Variants in BRINP1 observed in about 807,000 individuals in gnomAD.
BRINP1 encodes BMP/retinoic acid-inducible neural-specific protein 1.
In BRINP1, 17 loss-of-function variants were observed where a neutral mutation model predicts 72.9. The observed-to-expected ratio is 0.23, with a 90% CI of 0.16 to 0.35. The LOEUF (loss-of-function observed/expected upper bound fraction) is 0.35. Among genes scored for constraint, BRINP1 ranks in the 10% least tolerant of loss-of-function variants. BRINP1 has a pLI of 1.00. For synonymous variants in BRINP1, 418 were observed against 378.5 expected (o/e 1.10, Z -1.21); for missense variants, 850 against 1,001.6 (o/e 0.85, Z 2.04).
intron 2 of BRINP1, among the ~76,000 whole-genome samples, chr9:119,307,952 C>T (rs947066432): frequency 6.6e-6 from 1 of 152,108 alleles, no homozygotes; most frequent in Non-Finnish European, 1.5e-5. Flanking sequence ...CCTGCTGTAT[C>T]ACAAATTAAC....
intron 1 of BRINP1, among the ~76,000 whole-genome samples, chr9:119,332,950 T>G (rs1416794215): frequency 6.6e-6 from 1 of 152,182 alleles, no homozygotes; most frequent in Admixed American, 6.5e-5. Flanking sequence ...TCCCACTTTA[T>G]AGATAAGAAA....
chr9:119,292,782 A>C (rs941543189), intron 2 of BRINP1, among the ~76,000 whole-genome samples: 1 of 152,196 alleles, frequency 6.6e-6, no homozygotes, highest in African/African-American at 2.4e-5. Context: ...ATGTACACTC[A>C]ATGATGAGGG....
intron 3 of BRINP1, among the ~76,000 whole-genome samples, chr9:119,245,538 C>T (rs1269612766): frequency 6.6e-6 from 1 of 152,176 alleles, no homozygotes; most frequent in African/African-American, 2.4e-5. Flanking sequence ...CACCCCCCTT[C>T]ATAGGAGTAT....
At chr9:119,193,036 A>T (rs1486085449) in intron 7 of BRINP1, among the ~76,000 whole-genome samples, 4 of 152,164 alleles carry the variant, frequency 2.6e-5, no homozygotes, top group Non-Finnish European at 5.9e-5. Context: ...ACTTTAAAAC[A>T]TTTATAGAGT....
chr9:119,189,306 T>C (rs940642528), intron 7 of BRINP1, among the ~76,000 whole-genome samples: 1 of 151,898 alleles, frequency 6.6e-6, no homozygotes, highest in Non-Finnish European at 1.5e-5. Context: ...TTACCCAATA[T>C]CAGTAGTAAA....
intron 1 of BRINP1, among the ~76,000 whole-genome samples, chr9:119,347,255 G>A (rs1831461201): frequency 6.6e-6 from 1 of 152,066 alleles, no homozygotes; most frequent in African/African-American, 2.4e-5. Context: ...TTCCTGAAAT[G>A]CCAATGTGGG....
intron 6 of BRINP1, among the ~76,000 whole-genome samples, chr9:119,210,820 G>C (rs762969469): frequency 4.6e-5 from 7 of 152,198 alleles, no homozygotes; most frequent in Non-Finnish European, 1.0e-4. Flanking sequence ...TCTGCTAACA[G>C]GAATAATAGT....
chr9:119,227,438 C>T (rs1830103257), intron 5 of BRINP1, among the ~76,000 whole-genome samples: 1 of 152,070 alleles, frequency 6.6e-6, no homozygotes, highest in African/African-American at 2.4e-5. Context: ...GAACAAGGTG[C>T]TCCTATGTTC....
chr9:119,187,554 G>A (rs2118845531), intron 7 of BRINP1, among the ~76,000 whole-genome samples: 1 of 145,708 alleles, frequency 6.9e-6, no homozygotes, highest in African/African-American at 2.7e-5. Context: ...GGACACATCT[G>A]CAGGGGAATG....
At chr9:119,169,549 G>C (rs1456370581) in intron 7 of BRINP1, among the ~76,000 whole-genome samples, 4 of 152,200 alleles carry the variant, frequency 2.6e-5, no homozygotes, top group African/African-American at 9.7e-5. Flanking sequence ...GCAGCGGGCT[G>C]GGGGAGGGGC....
At chr9:119,305,299 G>C (rs1830984139) in intron 2 of BRINP1, among the ~76,000 whole-genome samples, 1 of 151,818 alleles carries the variant, frequency 6.6e-6, no homozygotes, top group Non-Finnish European at 1.5e-5. Context: ...CATGTATTCA[G>C]GTCAAAAATG....
chr9:119,274,115 G>A (rs1202857809), intron 2 of BRINP1, among the ~76,000 whole-genome samples: 4 of 152,322 alleles, frequency 2.6e-5, no homozygotes, highest in Non-Finnish European at 4.4e-5. Context: ...CCACTGAGTC[G>A]ATCCTATTTT....
intron 1 of BRINP1, among the ~76,000 whole-genome samples, chr9:119,328,819 C>T (rs1014241218): frequency 6.6e-6 from 1 of 152,118 alleles, no homozygotes; most frequent in Admixed American, 6.5e-5. Context: ...AAAAAGACTT[C>T]TCAGGGGAGC....
At chr9:119,249,950 G>A (rs1451860817) in intron 2 of BRINP1, among the ~76,000 whole-genome samples, 1 of 122,584 alleles carries the variant, frequency 8.2e-6, no homozygotes, top group South Asian at 3.3e-4. Flanking sequence ...GGGAAGGAAG[G>A]AAGGAGAGAG....
chr9:119,213,057 C>G (rs1333605098), intron 6 of BRINP1, among the ~76,000 whole-genome samples: 1 of 152,168 alleles, frequency 6.6e-6, no homozygotes, highest in Non-Finnish European at 1.5e-5. Context: ...GGTCATCTCT[C>G]TCCTAGGCCC....
intron 1 of BRINP1, among the ~76,000 whole-genome samples, chr9:119,353,640 A>C (rs952262213): frequency 3.3e-5 from 5 of 151,970 alleles, no homozygotes; most frequent in Non-Finnish European, 5.9e-5. Flanking sequence ...CCTGAATTTA[A>C]CTCTGAATTT....
rs551897237 is a variant in BRINP1 at position 119,167,528 on chromosome 9, C to T, written c.1842G>A (p.Thr614=). Residue 614 remains threonine (T), a synonymous_variant, in exon 8 of 8, where the codon ACG becomes ACA. Transcript: ENST00000265922. This position sits in a 1 kb window ranked among gnomAD's most constrained non-coding sequence, Gnocchi z 4.3. ...LGNRWKTFFE[T]VHIYLRSRTR... ...TCCGACTACGTAGGTAGATGTGGAC[C>T]GTCTCGAAAAATGTTTTCCACCGAT... 125 of 1,614,010 alleles carry T rather than the reference C, an allele frequency of 7.7e-5. No homozygotes were observed. Among genetic ancestry groups the T allele is most frequent in the South Asian group, 3.4e-4 (31 of 91,062 alleles).
At chr9:119,285,590 T>C (rs1260801581) in intron 2 of BRINP1, among the ~76,000 whole-genome samples, 1 of 152,202 alleles carries the variant, frequency 6.6e-6, no homozygotes, top group Admixed American at 6.5e-5. Context: ...CTTAATCTAA[T>C]TATTTATCTA....
intron 2 of BRINP1, among the ~76,000 whole-genome samples, chr9:119,256,998 T>C (rs1198881045): frequency 6.6e-6 from 1 of 152,072 alleles, no homozygotes; most frequent in African/African-American, 2.4e-5. Context: ...AAAGGGAGAA[T>C]AGAAAATGAA....
Sources: allele counts gnomAD v4.1 joint callset (sites outside exome capture counted in the v4.1 genomes callset), GRCh38; gene constraint gnomAD v4.1.1; non-coding constraint Gnocchi (gnomAD v3.1); transcripts MANE v1.5; gene names NCBI Gene and HGNC (gene_info 2026-07-23, HGNC 2026-07-21).